Variants in CSMD1 observed in about 807,000 individuals in gnomAD.
CSMD1 encodes the protein CUB and Sushi multiple domains 1, also known as CUB and sushi domain-containing protein 1.
CSMD1 carries 213 observed loss-of-function variants against 417.5 expected under a neutral mutation model. The ratio of observed to expected loss-of-function variants is 0.51; its 90% CI spans 0.46 to 0.57. The LOEUF is 0.57. Among genes scored for constraint, CSMD1 ranks in the 20% least tolerant of loss-of-function variants. CSMD1 has a pLI of 0.00. For missense variants in CSMD1, 6,923 were observed against 4,529.7 expected (o/e 1.53, Z -15.17); for synonymous variants, 2,862 against 1,736.8 (o/e 1.65, Z -16.11).
chr8:3,527,906 C>A (rs1289007977), intron 10 of CSMD1, among the ~76,000 whole-genome samples: 2 of 152,142 alleles, frequency 1.3e-5, no homozygotes, highest in African/African-American at 2.4e-5. Flanking sequence ...TACAGGCTGG[C>A]TAAGTCTTGG....
At chr8:4,348,529 G>C (rs999859873) in intron 3 of CSMD1, among the ~76,000 whole-genome samples, 5 of 149,406 alleles carry the variant, frequency 3.3e-5, no homozygotes, top group Admixed American at 2.7e-4. Context: ...GATTTTGAGA[G>C]TTGTATCACA....
At chr8:3,579,830 G>A (rs1671199705) in intron 9 of CSMD1, among the ~76,000 whole-genome samples, 1 of 152,218 alleles carries the variant, frequency 6.6e-6, no homozygotes, top group Non-Finnish European at 1.5e-5. Context: ...CAAGGCCAGT[G>A]TGGTGGCTCA....
intron 5 of CSMD1, among the ~76,000 whole-genome samples, chr8:3,993,833 C>T (rs1814947240): frequency 6.6e-6 from 1 of 152,180 alleles, no homozygotes; most frequent in African/African-American, 2.4e-5. Context: ...TAGTGTTCTT[C>T]CAGGTACTCT....
chr8:3,254,724 G>C (rs1196129585), intron 26 of CSMD1, among the ~76,000 whole-genome samples: 1 of 152,090 alleles, frequency 6.6e-6, no homozygotes, highest in East Asian at 1.9e-4. Flanking sequence ...AGCTCCGTCA[G>C]GTCCTTTAAG....
intron 10 of CSMD1, among the ~76,000 whole-genome samples, chr8:3,510,657 T>G (rs1797025882): frequency 6.6e-6 from 1 of 151,794 alleles, no homozygotes; most frequent in African/African-American, 2.4e-5. Context: ...CATTTCAGAT[T>G]ATGTAAGATA....
intron 3 of CSMD1, among the ~76,000 whole-genome samples, chr8:4,382,434 A>G (rs1197633869): frequency 2.0e-5 from 3 of 152,218 alleles, no homozygotes; most frequent in African/African-American, 7.2e-5. Context: ...CTATTGTAGT[A>G]TAGTCTGGCC....
intron 1 of CSMD1, among the ~76,000 whole-genome samples, chr8:4,779,372 G>A (rs952123260): frequency 2.0e-5 from 3 of 152,152 alleles, no homozygotes; most frequent in African/African-American, 7.2e-5. Context: ...TTTTACAGAA[G>A]AGTTCATAAT....
intron 69 of CSMD1, among the ~76,000 whole-genome samples, chr8:2,940,169 G>T (rs1005563575): frequency 2.6e-5 from 4 of 152,200 alleles, no homozygotes; most frequent in Non-Finnish European, 5.9e-5. Context: ...CTACAGGCTT[G>T]GTGCTTTCCT....
intron 3 of CSMD1, among the ~76,000 whole-genome samples, chr8:4,039,815 A>C (rs966156142): frequency 2.0e-5 from 3 of 152,224 alleles, no homozygotes; most frequent in African/African-American, 7.2e-5. Context: ...TACAGTCATC[A>C]GATCTGGCAT....
intron 3 of CSMD1, among the ~76,000 whole-genome samples, chr8:4,165,822 T>G (rs1244859652): frequency 6.6e-6 from 1 of 152,110 alleles, no homozygotes; most frequent in Non-Finnish European, 1.5e-5. Flanking sequence ...TCTTACTAGG[T>G]TGTTGCAAAA....
chr8:4,413,217 T>A (rs1006655991), intron 3 of CSMD1, among the ~76,000 whole-genome samples: 1 of 152,210 alleles, frequency 6.6e-6, no homozygotes, highest in Non-Finnish European at 1.5e-5. Context: ...CTCAGTTGAC[T>A]GCAACCATCA....
At chr8:4,934,053 T>C (rs1485735571) in intron 1 of CSMD1, among the ~76,000 whole-genome samples, 2 of 151,922 alleles carry the variant, frequency 1.3e-5, no homozygotes, top group African/African-American at 4.8e-5. Flanking sequence ...TGTTCTAGCA[T>C]GAATGCAAAG....
intron 1 of CSMD1, among the ~76,000 whole-genome samples, chr8:4,662,345 G>T (rs1281522759): frequency 1.3e-5 from 2 of 152,274 alleles, no homozygotes; most frequent in African/African-American, 4.8e-5. Flanking sequence ...AGCAGAGGGG[G>T]CGATTTATAG....
rs753389389 is a variant in CSMD1 at position 3,284,212 on chromosome 8, T to C, written c.4085A>G (p.Asn1362Ser). 3 of 1,610,388 alleles carry C rather than the reference T, an allele frequency of 1.9e-6. No homozygotes were observed. Among genetic ancestry groups the C allele is most frequent in the Non-Finnish European group, 1.7e-6 (2 of 1,178,440 alleles). Residue 1362 changes from asparagine (N) to serine (S), a missense_variant, in exon 26 of 70, where the codon AAC (asparagine) becomes AGC (serine). Asn to Ser is a conservative substitution (Grantham distance 46, BLOSUM62 1). Coordinates refer to ENST00000635120, the MANE Select transcript of CSMD1 (RefSeq NM_033225.6). ...ALPEDIHSTF[N>S]SLTLQFDSDF... ...GCTGTCGAACTGCAGGGTGAGTGAG[T>C]TGAAGGTGCTGTGGATGTCCTCCGG...
intron 1 of CSMD1, among the ~76,000 whole-genome samples, chr8:4,867,282 A>T (rs886569509): frequency 6.6e-6 from 1 of 152,050 alleles, no homozygotes; most frequent in Admixed American, 6.6e-5. Flanking sequence ...CTACTCATCA[A>T]TGTGCTTCTG....
intron 7 of CSMD1, among the ~76,000 whole-genome samples, chr8:3,661,415 C>G (rs1347161069): frequency 1.3e-5 from 2 of 152,178 alleles, no homozygotes; most frequent in South Asian, 2.1e-4. Flanking sequence ...TCTTCCACCA[C>G]GTGGCTGTGC....
At chr8:4,899,620 A>C (rs751261735) in intron 1 of CSMD1, among the ~76,000 whole-genome samples, 1 of 152,204 alleles carries the variant, frequency 6.6e-6, no homozygotes, top group African/African-American at 2.4e-5. Flanking sequence ...TGGTTACATA[A>C]CATATAGGGT....
At chr8:4,933,890 A>C (rs983758951) in intron 1 of CSMD1, among the ~76,000 whole-genome samples, 1 of 152,200 alleles carries the variant, frequency 6.6e-6, no homozygotes, top group Non-Finnish European at 1.5e-5. Flanking sequence ...CATCATTTCA[A>C]GTAGGGTTTT....
chr8:3,104,132 T>C (rs578087001), intron 46 of CSMD1, among the ~76,000 whole-genome samples: 2 of 152,368 alleles, frequency 1.3e-5, no homozygotes, highest in South Asian at 2.1e-4. Context: ...TAAAGTCTTC[T>C]ATTCTGAGAA....
Sources: allele counts gnomAD v4.1 joint callset (sites outside exome capture counted in the v4.1 genomes callset), GRCh38; gene constraint gnomAD v4.1.1; transcripts MANE v1.5; gene names NCBI Gene and HGNC (gene_info 2026-07-23, HGNC 2026-07-21).